The following EYS variants were observed in gnomAD, a reference collection of about 807,000 sequenced individuals.
EYS encodes protein eyes shut homolog.
A neutral mutation model predicts 282.1 loss-of-function variants in EYS; 250 were observed. The observed-to-expected ratio is 0.89, with a 90% confidence interval of 0.80 to 0.98. The LOEUF is 0.98. EYS is among the 50% of genes least tolerant of loss of function. EYS has a pLI of 0.00. For missense variants in EYS, 4,016 were observed against 3,709.0 expected, an observed-to-expected ratio of 1.08 and a Z score of -2.15; for synonymous variants, 1,355 against 1,282.9, an observed-to-expected ratio of 1.06 and a Z score of -1.20.
intron 7 of EYS, among the ~76,000 whole-genome samples, chr6:65,394,547 T>A (rs1436292602): frequency 6.6e-6 from 1 of 152,138 alleles, no homozygotes; most frequent in African/African-American, 2.4e-5. Flanking sequence ...TGGAGAAATT[T>A]CCAAATGTCT....
intron 13 of EYS, among the ~76,000 whole-genome samples, chr6:65,047,044 C>T (rs989782184): frequency 2.6e-5 from 4 of 151,716 alleles, no homozygotes; most frequent in Non-Finnish European, 5.9e-5. Flanking sequence ...TTTCTGAGGC[C>T]TCTGCAGCCA....
At chr6:65,657,313 C>T (rs1415550106) in intron 1 of EYS, among the ~76,000 whole-genome samples, 2 of 151,758 alleles carry the variant, frequency 1.3e-5, no homozygotes, top group Non-Finnish European at 3.0e-5. Flanking sequence ...TTTCATAAGG[C>T]TACAGATGCC....
At chr6:65,352,196 T>A (rs1051573030) in intron 9 of EYS, among the ~76,000 whole-genome samples, 5 of 151,846 alleles carry the variant, frequency 3.3e-5, no homozygotes, top group African/African-American at 7.2e-5. Context: ...TAAATTATCA[T>A]GTTTTCTGTT....
chr6:64,737,314 A>G (rs1324493968), intron 22 of EYS, among the ~76,000 whole-genome samples: 1 of 152,148 alleles, frequency 6.6e-6, no homozygotes, highest in Non-Finnish European at 1.5e-5. Flanking sequence ...TTTTAACTGT[A>G]TGCTCTACTT....
intron 29 of EYS, among the ~76,000 whole-genome samples, chr6:64,310,318 A>G (rs765171224): frequency 1.3e-4 from 20 of 152,338 alleles, no homozygotes; most frequent in Non-Finnish European, 2.2e-4. Context: ...AATAGCAAAG[A>G]CATGGAATCA....
At chr6:63,833,739 C>A (rs1174566938) in intron 36 of EYS, among the ~76,000 whole-genome samples, 2 of 152,278 alleles carry the variant, frequency 1.3e-5, no homozygotes, top group Non-Finnish European at 2.9e-5. Flanking sequence ...CAAAAAAGAG[C>A]CCACATTGCC....
chr6:65,558,448 G>A (rs1768904437), intron 2 of EYS, among the ~76,000 whole-genome samples: 1 of 152,202 alleles, frequency 6.6e-6, no homozygotes. Context: ...ACCTGCAGGG[G>A]CAGGGGGTTT....
At chr6:65,315,044 G>A (rs931106356) in intron 11 of EYS, among the ~76,000 whole-genome samples, 11 of 151,984 alleles carry the variant, frequency 7.2e-5, no homozygotes, top group Non-Finnish European at 1.3e-4. Context: ...GAATCTCACA[G>A]AGCACACATA....
At chr6:64,917,320 C>A (rs1768197248) in intron 15 of EYS, among the ~76,000 whole-genome samples, 1 of 151,530 alleles carries the variant, frequency 6.6e-6, no homozygotes, top group African/African-American at 2.4e-5. Context: ...ACTAAGCATT[C>A]TATATGTTTA....
At chr6:64,648,511 A>G (rs1768436087) in intron 22 of EYS, among the ~76,000 whole-genome samples, 2 of 152,204 alleles carry the variant, frequency 1.3e-5, no homozygotes, top group Admixed American at 1.3e-4. Flanking sequence ...TGAAACCACT[A>G]CAATCTATAG....
chr6:64,565,632 G>T (rs977440672), intron 26 of EYS, among the ~76,000 whole-genome samples: 2 of 152,050 alleles, frequency 1.3e-5, no homozygotes, highest in African/African-American at 4.8e-5. Flanking sequence ...GGAGATGTTG[G>T]TCAAATGATA....
intron 2 of EYS, among the ~76,000 whole-genome samples, chr6:65,635,428 A>G (rs1767052117): frequency 6.6e-6 from 1 of 152,128 alleles, no homozygotes; most frequent in Non-Finnish European, 1.5e-5. Context: ...AACATTCCTG[A>G]GCTTAGGCTA....
intron 8 of EYS, among the ~76,000 whole-genome samples, chr6:65,369,907 A>T (rs1052896261): frequency 7.3e-5 from 11 of 151,676 alleles, no homozygotes; most frequent in Non-Finnish European, 5.9e-5. Context: ...GACTCTCAGC[A>T]CAAATTATGG....
chr6:64,982,591 G>A (rs1770714760), intron 14 of EYS, among the ~76,000 whole-genome samples: 1 of 150,914 alleles, frequency 6.6e-6, no homozygotes, highest in Admixed American at 6.6e-5. Context: ...GACTAAATAG[G>A]GACATAGAAT....
chr6:65,016,119 T>A (rs1458693843), intron 13 of EYS, among the ~76,000 whole-genome samples: 1 of 149,516 alleles, frequency 6.7e-6, no homozygotes, highest in Non-Finnish European at 1.5e-5. Context: ...ATCCCAGCAC[T>A]TTGGGAGGCC....
chr6:64,476,535 A>AT (rs554752983), intron 26 of EYS, among the ~76,000 whole-genome samples: 104 of 151,702 alleles, frequency 6.9e-4, no homozygotes, highest in South Asian at 3.5e-3. Context: ...TATAGAAAAT[A>AT]TTTTTTTTCT....
chr6:63,805,007 G>GTGT (rs750442073), intron 37 of EYS, among the ~76,000 whole-genome samples: 106 of 152,244 alleles, frequency 7.0e-4, no homozygotes, highest in Non-Finnish European at 4.4e-4. Flanking sequence ...TTCATTTGGG[G>GTGT]TGTAGGCTCC....
At chr6:63,805,925 A>G (rs1317352372) in intron 37 of EYS, among the ~76,000 whole-genome samples, 1 of 152,196 alleles carries the variant, frequency 6.6e-6, no homozygotes, top group African/African-American at 2.4e-5. Flanking sequence ...TTTCCTTTGT[A>G]AATTACCCAG....
intron 22 of EYS, among the ~76,000 whole-genome samples, chr6:64,732,208 T>C (rs1771995634): frequency 6.6e-6 from 1 of 151,926 alleles, no homozygotes; most frequent in African/African-American, 2.4e-5. Context: ...ATACCTAATG[T>C]TGGTGATGGG....
Sources: gnomAD v4.1 joint callset for allele counts (sites outside exome capture counted in the v4.1 genomes callset) on GRCh38, gnomAD v4.1.1 for gene constraint, MANE v1.5 for transcripts, NCBI Gene and HGNC (gene_info 2026-07-23, HGNC 2026-07-21) for gene names.